The following ITPR3 variants were observed in gnomAD, a reference collection of about 807,000 sequenced individuals.
ITPR3 encodes the protein inositol 1,4,5-trisphosphate receptor type 3, also known as inositol 1,4,5-trisphosphate-gated calcium channel ITPR3.
ITPR3 carries 173 observed loss-of-function variants against 293.2 expected under a neutral mutation model. The observed-to-expected ratio is 0.59, with a 90% CI of 0.52 to 0.67. The LOEUF (loss-of-function observed/expected upper bound fraction) is 0.67, where lower values mean the gene tolerates loss of function less well. ITPR3 is among the 30% of genes least tolerant of loss of function. The pLI is 0.00. For synonymous variants in ITPR3, 1,295 were observed against 1,444.4 expected, an observed-to-expected ratio of 0.90 and a Z score of 2.35; for missense variants, 2,796 against 3,592.1, an observed-to-expected ratio of 0.78 and a Z score of 5.66.
At chr6:33,640,404 G>T in intron 1 of ITPR3, 80 bp from the exon 2 acceptor site, 1 of 1,299,386 alleles carries the variant, frequency 7.7e-7, no homozygotes. Context: ...TGGTACCCTG[G>T]CATCCCCTGC....
chr6:33,673,741 C>T (rs777736789), intron 23 of ITPR3, 21 bp downstream of exon 23: 1 of 1,613,298 alleles, frequency 6.2e-7, no homozygotes, highest in South Asian at 1.1e-5. Context: ...GCCCTGCCTT[C>T]AGGCTGAGGC....
rs36034973 is a variant in ITPR3 at position 33,691,773 on chromosome 6, C to CG, written c.7331-25dup. The stretch of plus-strand genomic sequence containing the variant: ...TGTGGGGTAGGAGGAGCAGGCAGCC[C>CG]GGGCCTCAGCACACTCTCCGCTTGC... On this transcript the variant is annotated intron_variant, in intron 53 of 57. Coordinates refer to ENST00000605930, the MANE Select transcript of ITPR3 (RefSeq NM_002224.4). This position sits in a 1 kb window ranked among gnomAD's most constrained non-coding sequence, Gnocchi z 4.9. 0.21 allele frequency: 333,840 copies of CG among 1,613,166 alleles called. 37,091 individuals are homozygous for CG. The highest frequency in any genetic ancestry group is 0.33 in the South Asian group (30,454 of 91,048).
chr6:33,656,859 A>T (rs75073062), intron 3 of ITPR3, among the ~76,000 whole-genome samples: 4,527 of 152,322 alleles, frequency 0.03, 211 homozygotes, highest in African/African-American at 0.099. Context: ...GAATGGGGAC[A>T]TTGGGCTGCG....
At position 33,684,337 on chromosome 6, in the gene ITPR3, T is replaced by A; in HGVS notation, c.4938-20T>A. ...GAGGCAGTGTGGGGCTGCCCTGAGCTGCCTCCTTGGCCGGCTCAGGCTGAT... is the reference window on the plus strand; with the variant it reads ...GAGGCAGTGTGGGGCTGCCCTGAGCAGCCTCCTTGGCCGGCTCAGGCTGAT... On this transcript the variant is annotated intron_variant, in intron 36 of 57. Coordinates refer to ENST00000605930, the MANE Select transcript of ITPR3 (RefSeq NM_002224.4). The surrounding 1 kb of genome is among the most constrained non-coding windows in gnomAD (Gnocchi z 4.2). 1.2e-6 allele frequency: 2 copies of A among 1,609,516 alleles called. No individual in the cohort carries two copies. The highest frequency in any genetic ancestry group is 1.7e-6 in the Non-Finnish European group (2 of 1,176,156).
At position 33,675,655 on chromosome 6, in the gene ITPR3, G is replaced by C. The variant is rs760302431; in HGVS notation, c.3117-36G>C. The C allele has an allele frequency of 1.9e-6, 3 of 1,555,410 alleles. No individual in the cohort carries two copies. On this transcript the variant is annotated intron_variant, in intron 24 of 57. Transcript: ENST00000605930. This position sits in a 1 kb window ranked among gnomAD's most constrained non-coding sequence, Gnocchi z 5.0. ...ACCACGGACAGCAGGGAGTGTGCCA[G>C]TCTCACCCATGCGCCCTGCACCCTT...
Position 33,684,389 on chromosome 6 carries a change from CG to C in ITPR3, c.4972del (p.Glu1658ArgfsTer53). The stretch of plus-strand genomic sequence containing the variant: ...CAGCACACCAAGGACCTCATGGAGT[CG>C]GAGGAGAAGCTGTGCATCAAGGTGC... ...LIQHTKDLME[S>X]EEKLCIKVLR... is the part of the protein sequence containing the mutation. On this transcript the variant is annotated frameshift_variant, in exon 37 of 58. Transcript: ENST00000605930. LOFTEE classifies it high-confidence loss of function. The surrounding 1 kb of genome is among the most constrained non-coding windows in gnomAD (Gnocchi z 4.2). 6.2e-7 allele frequency: 1 copy of C among 1,613,990 alleles called. No homozygotes were observed. The highest frequency in any genetic ancestry group is 8.5e-7 in the Non-Finnish European group (1 of 1,179,978).
At chr6:33,653,722 TC>T (rs1229437669) in intron 2 of ITPR3, among the ~76,000 whole-genome samples, 13 of 152,202 alleles carry the variant, frequency 8.5e-5, no homozygotes, top group African/African-American at 3.1e-4. Flanking sequence ...GGTGCAGGCG[TC>T]CAGCAACCCT....
At chr6:33,651,977 G>T (rs1339445734) in intron 2 of ITPR3, among the ~76,000 whole-genome samples, 1 of 152,140 alleles carries the variant, frequency 6.6e-6, no homozygotes, top group Non-Finnish European at 1.5e-5. Context: ...CTTTTCTCCT[G>T]TCTGGACTAG....
Position 33,691,687 on chromosome 6 carries a change from T to A in ITPR3, c.7298T>A (p.Val2433Asp). The A allele has an allele frequency of 6.2e-7, 1 of 1,613,950 alleles. No individual in the cohort carries two copies. Among genetic ancestry groups the A allele is most frequent in the Non-Finnish European group, 8.5e-7 (1 of 1,179,940 alleles). ...TGCAGTGGGGACAAGATGGACTGTG[T>A]CTCAGGGCTCTCGGTGCCTGAGGTC... is the stretch of plus-strand genomic sequence containing the variant. ...DTCSGDKMDC[V>D]SGLSVPEVLE... The change falls in exon 53 of 58, where the codon GTC (valine) becomes GAC (aspartate). Residue 2433 changes from valine (V) to aspartate (D), a missense_variant. By Grantham distance (152) the Val-to-Asp change is radical. Transcript: ENST00000605930. The surrounding 1 kb of genome is among the most constrained non-coding windows in gnomAD (Gnocchi z 4.9).
intron 2 of ITPR3, among the ~76,000 whole-genome samples, chr6:33,651,800 C>T (rs1002888649): frequency 9.9e-5 from 15 of 152,196 alleles, no homozygotes; most frequent in African/African-American, 3.6e-4. Flanking sequence ...CATAGAAGGT[C>T]ACCATGGTTC....
chr6:33,637,836 A>G (rs537498466), intron 1 of ITPR3, among the ~76,000 whole-genome samples: 1 of 145,076 alleles, frequency 6.9e-6, no homozygotes, highest in Non-Finnish European at 1.5e-5. Flanking sequence ...TTTAGTAGAG[A>G]TGGAGATTCG....
At chr6:33,657,896 T>C (rs773275283) in intron 3 of ITPR3, 36 bp from the exon 4 acceptor site, 1 of 1,599,586 alleles carries the variant, frequency 6.3e-7, no homozygotes, top group Non-Finnish European at 8.6e-7. Context: ...GAGCAGCTTC[T>C]GAGCCCACCC....
At chr6:33,694,123 G>A (rs1472008634) in intron 56 of ITPR3, among the ~76,000 whole-genome samples, 1 of 152,200 alleles carries the variant, frequency 6.6e-6, no homozygotes, top group Admixed American at 6.5e-5. Context: ...CTCTCAGGGA[G>A]TGTTTTCTAG....
chr6:33,636,276 C>T (rs1338681818), intron 1 of ITPR3, among the ~76,000 whole-genome samples: 1 of 151,686 alleles, frequency 6.6e-6, no homozygotes, highest in South Asian at 2.1e-4. Context: ...CACTCCAGCC[C>T]GGGTGACAGA....
intron 1 of ITPR3, among the ~76,000 whole-genome samples, chr6:33,622,277 T>C (rs1228008153): frequency 6.6e-6 from 1 of 152,170 alleles, no homozygotes; most frequent in African/African-American, 2.4e-5. Flanking sequence ...CCATTCAATT[T>C]CCTGCGCCGG....
chr6:33,676,392 A>T (rs1281596387), intron 25 of ITPR3, among the ~76,000 whole-genome samples: 2 of 152,180 alleles, frequency 1.3e-5, no homozygotes, highest in Non-Finnish European at 2.9e-5. Flanking sequence ...CAGAGCGAGG[A>T]TGGTGGCAGT....
intron 1 of ITPR3, among the ~76,000 whole-genome samples, chr6:33,630,561 T>A (rs1305859651): frequency 6.6e-6 from 1 of 152,186 alleles, no homozygotes; most frequent in African/African-American, 2.4e-5. Context: ...CTCCTTGGCC[T>A]TACAGATATG....
In ITPR3 at chr6:33,671,270, C is replaced by A. The variant is rs200382899; in HGVS notation, c.2692C>A (p.Pro898Thr). 7.4e-6 allele frequency: 12 copies of A among 1,613,272 alleles called. No homozygotes were observed. The African/African-American group carries it at 1.3e-4, about 18-fold the overall frequency. The change falls in exon 21 of 58, where the codon CCC becomes ACC. Residue 898 changes from proline (P) to threonine (T), a missense_variant. By Grantham distance (38) the Pro-to-Thr change is conservative. This residue lies in a region of ITPR3 where 955 missense variants were observed against 1,180.8 expected (regional missense o/e 0.81). Coordinates refer to ENST00000605930, the MANE Select transcript of ITPR3 (RefSeq NM_002224.4). The part of the protein sequence containing the change: ...LLGIIDCVQG[P>T]PAMLQAYEDP... Reference sequence around the variant, plus strand: ...GGGCATCATCGACTGTGTGCAGGGGCCCCCGGCCATGCTGCAGGCCTATGA... The same window carrying A: ...GGGCATCATCGACTGTGTGCAGGGGACCCCGGCCATGCTGCAGGCCTATGA...
Position 33,683,950 on chromosome 6 carries a change from G to A in ITPR3, c.4789-70G>A. Reference sequence around the variant, plus strand: ...ATCTGTGGGGCTGTTTGGCGTTTGGGTCGGAGGAATGGCAGTCACACCCGG... The same window carrying A: ...ATCTGTGGGGCTGTTTGGCGTTTGGATCGGAGGAATGGCAGTCACACCCGG... On this transcript the variant is annotated intron_variant, in intron 35 of 57. Transcript: ENST00000605930. This position sits in a 1 kb window ranked among gnomAD's most constrained non-coding sequence, Gnocchi z 4.5. The A allele has an allele frequency of 6.6e-7, 1 of 1,523,818 alleles. No homozygotes were observed. The highest frequency in any genetic ancestry group is 8.8e-7 in the Non-Finnish European group (1 of 1,133,360). The allele number at this position is 1,523,818 out of a possible 1,614,324, so 94.4% of individuals were successfully genotyped here. A position where few individuals can be genotyped will look rare whatever the true frequency, so the allele number is the denominator to read the frequency against.
Sources: allele counts gnomAD v4.1 joint callset (sites outside exome capture counted in the v4.1 genomes callset), GRCh38; gene constraint gnomAD v4.1.1; regional missense constraint gnomAD v4.1.1; non-coding constraint Gnocchi (gnomAD v3.1); transcripts MANE v1.5; gene names NCBI Gene and HGNC (gene_info 2026-07-23, HGNC 2026-07-21).